CWF19L2: variants seen among roughly 807,000 people sequenced by gnomAD.
CWF19L2 encodes CWF19-like protein 2.
Under a neutral mutation model 111.7 loss-of-function variants are expected in CWF19L2, and 98 were observed. The observed-to-expected ratio is 0.88, with a 90% CI of 0.75 to 1.04. CWF19L2 has a LOEUF of 1.04. CWF19L2 is among the 50% of genes least tolerant of loss of function. The pLI is 0.00. For missense variants in CWF19L2, 1,101 were observed against 1,051.4 expected, an observed-to-expected ratio of 1.05 and a Z score of -0.65; for synonymous variants, 351 against 342.9, an observed-to-expected ratio of 1.02 and a Z score of -0.26.
intron 3 of CWF19L2, among the ~76,000 whole-genome samples, chr11:107,450,415 G>A (rs1165002391): frequency 4.6e-5 from 7 of 151,852 alleles, no homozygotes; most frequent in South Asian, 2.1e-4. Context: ...TATCCTGGAC[G>A]TCGAAGTGCA....
Position 107,327,118 on chromosome 11 carries a change from AT to A in CWF19L2, c.2542-66del, listed in dbSNP as rs1313014752. On this transcript the variant is annotated intron_variant, in intron 17 of 17. Transcript: ENST00000282251. ...AAATAATGAAAACAGAAATGAAACTATTTCTGTTTATTCTGCTATAAAATAT... is the reference window on the plus strand; with the variant it reads ...AAATAATGAAAACAGAAATGAAACTATTCTGTTTATTCTGCTATAAAATAT... The A allele has an allele frequency of 7.2e-6, 10 of 1,387,642 alleles. No individual in the cohort carries two copies. In the Middle Eastern group the frequency reaches 5.6e-4, roughly 78 times the overall value. The allele number at this position is 1,387,642 out of a possible 1,614,324, so 86.0% of individuals were successfully genotyped here. A position where few individuals can be genotyped will look rare whatever the true frequency, so the allele number is the denominator to read the frequency against.
chr11:107,417,778 A>G (rs1430023337), intron 9 of CWF19L2, among the ~76,000 whole-genome samples: 1 of 150,086 alleles, frequency 6.7e-6, no homozygotes, highest in East Asian at 2.0e-4. Flanking sequence ...TTTTTTTGAG[A>G]CACAGTCTCG....
intron 12 of CWF19L2, among the ~76,000 whole-genome samples, chr11:107,358,551 T>C (rs1200176052): frequency 6.6e-6 from 1 of 152,158 alleles, no homozygotes; most frequent in African/African-American, 2.4e-5. Flanking sequence ...TGTTACAACA[T>C]GGATGATCTA....
At chr11:107,368,365 A>G (rs1367231501) in intron 12 of CWF19L2, among the ~76,000 whole-genome samples, 2 of 137,698 alleles carry the variant, frequency 1.5e-5, no homozygotes, top group Non-Finnish European at 3.1e-5. Flanking sequence ...CTGGAAACAT[A>G]AAACCTTCCA....
At chr11:107,442,787 GAAGGA>G (rs1861642473) in intron 4 of CWF19L2, among the ~76,000 whole-genome samples, 147 bp downstream of exon 4, 78 of 47,180 alleles carry the variant, frequency 1.7e-3, no homozygotes, top group African/African-American at 8.1e-3. Flanking sequence ...AGGAAGGAAG[GAAGGA>G]AGGGAGGGAG....
intron 11 of CWF19L2, among the ~76,000 whole-genome samples, chr11:107,391,089 C>G (rs188186683): frequency 6.6e-6 from 1 of 152,232 alleles, no homozygotes; most frequent in South Asian, 2.1e-4. Context: ...AGCCACAGAC[C>G]GAAGGCTGCA....
intron 8 of CWF19L2, 96 bp downstream of exon 8, chr11:107,428,703 T>A (rs1861414681): frequency 1.0e-6 from 1 of 954,190 alleles, no homozygotes; most frequent in South Asian, 1.7e-5. Flanking sequence ...AAATGTGAGA[T>A]CATAGTCACA....
chr11:107,439,035 G>GGAA (rs535986999), intron 6 of CWF19L2, 55 bp downstream of exon 6: 107 of 292,144 alleles, frequency 3.7e-4, no homozygotes, highest in African/African-American at 2.9e-3. Context: ...ACTCTGTCTC[G>GGAA]AAAAAAAAAA....
intron 10 of CWF19L2, among the ~76,000 whole-genome samples, chr11:107,396,673 G>T (rs1314875994): frequency 6.6e-6 from 1 of 152,096 alleles, no homozygotes; most frequent in African/African-American, 2.4e-5. Flanking sequence ...CAGACACAAG[G>T]CAAGACTAGA....
In CWF19L2 at chr11:107,428,266, A is replaced by G. The variant is rs193021588; in HGVS notation, c.1433+533T>C. Reference sequence around the variant, plus strand: ...CTAATATTATCTTTAAAATCTGTCAATTGCCCAAAGTGGATTATTTCTTTC... The same window carrying G: ...CTAATATTATCTTTAAAATCTGTCAGTTGCCCAAAGTGGATTATTTCTTTC... On this transcript the variant is annotated intron_variant, in intron 8 of 17. Transcript: ENST00000282251. Among the ~76,000 whole-genome samples the G allele has an allele frequency of 7.2e-5, 11 of 152,232 alleles. No homozygotes were observed. The East Asian group carries it at 1.7e-3, about 24-fold the overall frequency.
chr11:107,337,902 G>A, intron 14 of CWF19L2, among the ~76,000 whole-genome samples: 1 of 151,518 alleles, frequency 6.6e-6, no homozygotes, highest in South Asian at 2.1e-4. Context: ...AAATAATACA[G>A]AGAGATCCCA....
At chr11:107,373,472 C>T (rs1411071929) in intron 12 of CWF19L2, among the ~76,000 whole-genome samples, 1 of 121,056 alleles carries the variant, frequency 8.3e-6, no homozygotes, top group Middle Eastern at 3.9e-3. Context: ...CCCTGACCCC[C>T]GAGCAGCCTA....
At chr11:107,347,427 T>TAAC (rs770098150) in intron 14 of CWF19L2, among the ~76,000 whole-genome samples, 10 of 152,094 alleles carry the variant, frequency 6.6e-5, no homozygotes, top group South Asian at 4.1e-4. Flanking sequence ...GAAAGTAAAA[T>TAAC]AACAACAACA....
At chr11:107,436,631 C>T (rs1402467673) in intron 6 of CWF19L2, among the ~76,000 whole-genome samples, 1 of 152,026 alleles carries the variant, frequency 6.6e-6, no homozygotes, top group African/African-American at 2.4e-5. Context: ...CACATTCTAG[C>T]AGAAAAAGCC....
chr11:107,338,102 G>A (rs371470481), intron 14 of CWF19L2, among the ~76,000 whole-genome samples: 6 of 152,004 alleles, frequency 3.9e-5, no homozygotes, highest in African/African-American at 7.2e-5. Flanking sequence ...ATGTTGCCCA[G>A]GCTGAAGTAC....
chr11:107,448,343 CAAAAAAAAAAAAAA>C (rs61259014), intron 3 of CWF19L2, among the ~76,000 whole-genome samples: 1 of 54,900 alleles, frequency 1.8e-5, no homozygotes, highest in Non-Finnish European at 3.1e-5. Context: ...GACTCCGTCA[CAAAAAAAAAAAAAA>C]AAAAAAAAAA....
At chr11:107,439,035 GAAAAAAA>G in intron 6 of CWF19L2, 48 bp downstream of exon 6, 2 of 288,590 alleles carry the variant, frequency 6.9e-6, no homozygotes, top group South Asian at 2.9e-5. Flanking sequence ...ACTCTGTCTC[GAAAAAAA>G]AAAAAAAAAA....
At chr11:107,404,071 AGCTG>A (rs1206131129) in intron 10 of CWF19L2, 6 of 770,930 alleles carry the variant, frequency 7.8e-6, no homozygotes, top group African/African-American at 6.8e-5. Flanking sequence ...TCTTCAGCAG[AGCTG>A]AATGCTCATA....
chr11:107,421,870 G>A (rs577016418), intron 8 of CWF19L2, among the ~76,000 whole-genome samples: 1 of 152,150 alleles, frequency 6.6e-6, no homozygotes, highest in Non-Finnish European at 1.5e-5. Flanking sequence ...TTATCCAAGA[G>A]AAAGGAAAGC....
Sources: gnomAD v4.1 joint callset for allele counts (sites outside exome capture counted in the v4.1 genomes callset) on GRCh38, gnomAD v4.1.1 for gene constraint, MANE v1.5 for transcripts, NCBI Gene and HGNC (gene_info 2026-07-23, HGNC 2026-07-21) for gene names.